LINGO2: variants seen among roughly 807,000 people sequenced by gnomAD.
LINGO2 encodes the protein leucine rich repeat and Ig domain containing 2, also known as leucine-rich repeat and immunoglobulin-like domain-containing nogo receptor-interacting protein 2.
In LINGO2, 14 loss-of-function variants were observed where a neutral mutation model predicts 30.6. That is an observed-to-expected ratio of 0.46 (90% CI 0.30 to 0.72). The LOEUF (loss-of-function observed/expected upper bound fraction) is 0.72. LINGO2 is among the 30% of genes least tolerant of loss of function. The pLI is 0.07. For synonymous variants in LINGO2, 317 were observed against 288.5 expected, an observed-to-expected ratio of 1.10 and a Z score of -1.00; for missense variants, 729 against 751.7, an observed-to-expected ratio of 0.97 and a Z score of 0.35.
intron 4 of LINGO2, among the ~76,000 whole-genome samples, chr9:28,255,166 C>CCCTT (rs1221508377): frequency 6.6e-6 from 1 of 151,732 alleles, no homozygotes; most frequent in Non-Finnish European, 1.5e-5. Flanking sequence ...TCTCTTTTTA[C>CCCTT]CCTTCCTTCC....
chr9:28,188,167 C>T (rs1295938420), intron 4 of LINGO2, among the ~76,000 whole-genome samples: 5 of 152,136 alleles, frequency 3.3e-5, no homozygotes, highest in Admixed American at 6.6e-5. Flanking sequence ...GTGGACTAAA[C>T]AGCTGACAGG....
intron 5 of LINGO2, among the ~76,000 whole-genome samples, chr9:27,952,847 A>C (rs1443331708): frequency 6.6e-6 from 1 of 152,114 alleles, no homozygotes; most frequent in Non-Finnish European, 1.5e-5. Flanking sequence ...TCTGTGAATA[A>C]AGTTAGAAAC....
chr9:29,211,365 A>G, the LINGO2 span, among the ~76,000 whole-genome samples: 1 of 152,200 alleles, frequency 6.6e-6, no homozygotes, highest in Admixed American at 6.5e-5. Context: ...AGTACACAGC[A>G]CAGATAATAT....
At chr9:28,733,529 G>A in the LINGO2 span, among the ~76,000 whole-genome samples, 1 of 152,032 alleles carries the variant, frequency 6.6e-6, no homozygotes, top group African/African-American at 2.4e-5. Flanking sequence ...CGAGATAAAC[G>A]CTAGTGTGCT....
At chr9:29,007,798 G>A in the LINGO2 span, among the ~76,000 whole-genome samples, 1 of 152,072 alleles carries the variant, frequency 6.6e-6, no homozygotes, top group Non-Finnish European at 1.5e-5. Flanking sequence ...GGTTTAAAGT[G>A]CAAGTGAATA....
intron 1 of LINGO2, among the ~76,000 whole-genome samples, chr9:28,579,847 C>A (rs1436095950): frequency 6.6e-6 from 1 of 152,022 alleles, no homozygotes; most frequent in African/African-American, 2.4e-5. Context: ...GAACAACAGT[C>A]AAGAATCACC....
the LINGO2 span, among the ~76,000 whole-genome samples, chr9:28,806,086 C>T: frequency 9.2e-6 from 1 of 108,706 alleles, no homozygotes. Context: ...CTTAGTCAAT[C>T]TTCCATTTGG....
At position 27,991,704 on chromosome 9, in the gene LINGO2, C is replaced by G. The variant is rs556652603; in HGVS notation, c.-36+20651G>C. Among the ~76,000 whole-genome samples the G allele has an allele frequency of 9.9e-5, 15 of 152,194 alleles. No individual in the cohort carries two copies. The South Asian group carries it at 3.1e-3, about 32-fold the overall frequency. ...TACATTTGGCAGCCATTGCCACTAG[C>G]TGTTTCTCCCATCTCATAAGACTCC... On this transcript the variant is annotated intron_variant, in intron 5 of 5. Transcript: ENST00000379992.
the LINGO2 span, among the ~76,000 whole-genome samples, chr9:28,745,750 A>G: frequency 6.6e-6 from 1 of 152,148 alleles, no homozygotes; most frequent in African/African-American, 2.4e-5. Context: ...GTAACTTGTT[A>G]AAGTTCATAC....
the LINGO2 span, among the ~76,000 whole-genome samples, chr9:28,865,641 G>A: frequency 5.3e-5 from 8 of 152,160 alleles, no homozygotes; most frequent in South Asian, 2.1e-4. Flanking sequence ...GAAATTGGCC[G>A]GGCATAGTGG....
At chr9:28,304,430 A>G (rs2134222636) in intron 3 of LINGO2, among the ~76,000 whole-genome samples, 1 of 152,008 alleles carries the variant, frequency 6.6e-6, no homozygotes, top group East Asian at 1.9e-4. Context: ...AGTGAAACAT[A>G]AGATTTTATG....
At chr9:28,872,641 C>T in the LINGO2 span, among the ~76,000 whole-genome samples, 2 of 152,076 alleles carry the variant, frequency 1.3e-5, no homozygotes, top group African/African-American at 4.8e-5. Flanking sequence ...AAACAAACAA[C>T]ACATTTTCTG....
At chr9:28,179,503 G>GTA (rs1321599256) in intron 4 of LINGO2, among the ~76,000 whole-genome samples, 1 of 123,842 alleles carries the variant, frequency 8.1e-6, no homozygotes, top group Admixed American at 9.1e-5. Flanking sequence ...TACTATATAT[G>GTA]TACTATATAT....
chr9:28,214,535 G>A (rs1820699413), intron 4 of LINGO2, among the ~76,000 whole-genome samples: 1 of 151,522 alleles, frequency 6.6e-6, no homozygotes, highest in African/African-American at 2.4e-5. Flanking sequence ...CCATATGAAT[G>A]ACAATACAAA....
chr9:28,792,722 G>A, the LINGO2 span, among the ~76,000 whole-genome samples: 1 of 152,066 alleles, frequency 6.6e-6, no homozygotes, highest in Admixed American at 6.5e-5. Flanking sequence ...AGTATCTCAA[G>A]TGTCTTAAGT....
At chr9:29,103,644 ACTTT>A in the LINGO2 span, among the ~76,000 whole-genome samples, 2 of 152,308 alleles carry the variant, frequency 1.3e-5, no homozygotes. Flanking sequence ...AAATATCAAT[ACTTT>A]CTTTCTTCCC....
intron 4 of LINGO2, among the ~76,000 whole-genome samples, chr9:28,171,971 T>A (rs1828598833): frequency 8.8e-6 from 1 of 113,272 alleles, no homozygotes; most frequent in Non-Finnish European, 1.6e-5. Context: ...TGAGCCGAGA[T>A]CACGCCACTG....
At chr9:28,948,241 G>T in the LINGO2 span, among the ~76,000 whole-genome samples, 4 of 152,018 alleles carry the variant, frequency 2.6e-5, no homozygotes, top group Non-Finnish European at 5.9e-5. Context: ...GTTAGAGAAA[G>T]AAAAATAATT....
chr9:28,097,707 G>C, intron 4 of LINGO2, among the ~76,000 whole-genome samples: 2 of 110,178 alleles, frequency 1.8e-5, no homozygotes, highest in Non-Finnish European at 1.8e-5. Flanking sequence ...AGGGGGGAGG[G>C]ATAGCATTAG....
Sources: gnomAD v4.1 joint callset for allele counts (sites outside exome capture counted in the v4.1 genomes callset) on GRCh38, gnomAD v4.1.1 for gene constraint, MANE v1.5 for transcripts, NCBI Gene and HGNC (gene_info 2026-07-23, HGNC 2026-07-21) for gene names.